The following IMPG1 variants were observed in gnomAD, a reference collection of about 807,000 sequenced individuals.
IMPG1 encodes interphotoreceptor matrix proteoglycan 1, also known as interphotoreceptor matrix proteoglycan of 150 kDa.
A neutral mutation model predicts 92.0 loss-of-function variants in IMPG1; 85 were observed. The ratio of observed to expected loss-of-function variants is 0.92; its 90% CI spans 0.78 to 1.11. IMPG1 has a LOEUF of 1.11. Among genes scored for constraint, IMPG1 ranks in the 50% least tolerant of loss-of-function variants. The pLI is 0.00. For missense variants in IMPG1, 1,022 were observed against 956.0 expected (o/e 1.07, Z -0.91); for synonymous variants, 367 against 334.1 (o/e 1.10, Z -1.08).
intron 14 of IMPG1, among the ~76,000 whole-genome samples, chr6:75,935,208 G>A (rs1426323732): frequency 6.6e-6 from 1 of 152,218 alleles, no homozygotes; most frequent in Non-Finnish European, 1.5e-5. Flanking sequence ...GTGGAGGGAA[G>A]CGAGGTCTGC....
At chr6:75,940,171 T>C (rs1234295372) in intron 14 of IMPG1, among the ~76,000 whole-genome samples, 1 of 152,184 alleles carries the variant, frequency 6.6e-6, no homozygotes, top group East Asian at 1.9e-4. Context: ...TTCACAGCTC[T>C]TCCTCCCATC....
In IMPG1 at chr6:75,950,952, C is replaced by T; in HGVS notation, c.1434G>A (p.Gly478=). Residue 478 remains glycine, a synonymous_variant, in exon 13 of 17, where the codon GGG becomes GGA. Transcript: ENST00000369950. ...MATDQTMLVP[G]LTIPTSDYSA... Reference sequence around the variant, plus strand: ...AATAATCACTGGTGGGGATGGTGAGCCCTGGTACTAGCATTGTCTGGTCAG... The same window carrying T: ...AATAATCACTGGTGGGGATGGTGAGTCCTGGTACTAGCATTGTCTGGTCAG... 3 of 1,613,908 alleles carry T rather than the reference C, an allele frequency of 1.9e-6. No homozygotes were observed. The highest frequency in any genetic ancestry group is 2.5e-6 in the Non-Finnish European group (3 of 1,179,938).
rs773650710 is a variant in IMPG1 at position 75,950,838 on chromosome 6, G to T, written c.1548C>A (p.Val516=). Residue 516 remains valine, a synonymous_variant, in exon 13 of 17, where the codon GTC becomes GTA. Transcript: ENST00000369950. ...ACAGATCCATTTCATCTAGGTGTCT[G>T]ACCATATCTTCGCCACCTGCACTTG... ...SRSSAGGEDM[V]RHLDEMDLSD... is the part of the protein sequence containing the mutation. 6 of 1,613,784 alleles carry T rather than the reference G, an allele frequency of 3.7e-6. No homozygotes were observed. In the Admixed American group the frequency reaches 8.3e-5, roughly 22 times the overall value.
In IMPG1 at chr6:76,041,874, G is replaced by T; in HGVS notation, c.301+19C>A. 6.7e-7 allele frequency: 1 copy of T among 1,494,692 alleles called. No homozygotes were observed. Among genetic ancestry groups the T allele is most frequent in the Non-Finnish European group, 9.3e-7 (1 of 1,071,340 alleles). The allele number at this position is 1,494,692 out of a possible 1,614,324, so 92.6% of individuals were successfully genotyped here. A position where few individuals can be genotyped will look rare whatever the true frequency, so the allele number is the denominator to read the frequency against. On this transcript the variant is annotated intron_variant, in intron 2 of 16. Transcript: ENST00000369950. ...GATGGAAATAACACAAGGCTAAACG[G>T]TTTCATCTCTTTCCTTACCTCTCAA...
chr6:75,987,343 T>C (rs139512950), intron 12 of IMPG1, among the ~76,000 whole-genome samples: 4,939 of 150,948 alleles, frequency 0.033, 104 homozygotes, highest in East Asian at 0.083. Context: ...CTAGGGTACA[T>C]GTGCACAACG....
rs145850821 is a variant in IMPG1 at position 75,955,406 on chromosome 6, T to G, written c.1292-4312A>C. ...AATGGGAGTTCACTCATGCTTTGGC[T>G]CTCTGTTTGTCTATTATTGGTGTGT... is the stretch of plus-strand genomic sequence containing the variant. On this transcript the variant is annotated intron_variant, in intron 12 of 16. Transcript: ENST00000369950. Among the ~76,000 whole-genome samples, 54 of 152,330 alleles carry G rather than the reference T, an allele frequency of 3.5e-4. 1 individual carries two copies. The East Asian group carries it at 0.01, about 29-fold the overall frequency.
At chr6:75,996,368 C>T (rs563392814) in intron 12 of IMPG1, among the ~76,000 whole-genome samples, 1 of 152,218 alleles carries the variant, frequency 6.6e-6, no homozygotes, top group South Asian at 2.1e-4. Flanking sequence ...GAATATGTAC[C>T]TGTATTCATG....
chr6:76,011,001 T>C (rs538712662), intron 8 of IMPG1, among the ~76,000 whole-genome samples, 165 bp downstream of exon 8: 1 of 152,344 alleles, frequency 6.6e-6, no homozygotes, highest in East Asian at 1.9e-4. Context: ...TAGAGTCATG[T>C]TCTAATTAGA....
intron 1 of IMPG1, among the ~76,000 whole-genome samples, chr6:76,054,230 T>G (rs895706890): frequency 6.6e-6 from 1 of 152,164 alleles, no homozygotes; most frequent in Non-Finnish European, 1.5e-5. Context: ...ATGTTACTGT[T>G]TTGCAGAGAG....
At position 75,930,934 on chromosome 6, in the gene IMPG1, G is replaced by A. The variant is rs376690384; in HGVS notation, c.2243+19C>T. 15 of 1,607,000 alleles carry A rather than the reference G, an allele frequency of 9.3e-6. No homozygotes were observed. The highest frequency in any genetic ancestry group is 3.3e-5 in the South Asian group (3 of 90,928). ...AGTAATGAGTTCTTGAGTCTGTGAC[G>A]TTAGCATGCTTGACCCACCTGCATG... is the stretch of plus-strand genomic sequence containing the variant. On this transcript the variant is annotated intron_variant, in intron 15 of 16. Transcript: ENST00000369950.
chr6:75,950,513 A>G lies in IMPG1; in HGVS notation c.1824+49T>C, dbSNP rs181327556. ...AATAATTATATTATAAAATAACAAC[A>G]AAGAAAGAAGAGACAAAGAATTGGG... On this transcript the variant is annotated intron_variant, in intron 13 of 16. Transcript: ENST00000369950. 1.4e-4 allele frequency: 208 copies of G among 1,461,874 alleles called. No homozygotes were observed. The African/African-American group carries it at 2.8e-3, about 20-fold the overall frequency. 90.6% of individuals were successfully genotyped at this position (1,461,874 alleles called of 1,614,324 possible).
At chr6:76,003,770 G>A (rs1034142100) in intron 11 of IMPG1, 104 bp downstream of exon 11, 11 of 810,472 alleles carry the variant, frequency 1.4e-5, no homozygotes, top group Non-Finnish European at 2.2e-5. Context: ...AATTAGCATT[G>A]CAAAGGGGAT....
intron 12 of IMPG1, among the ~76,000 whole-genome samples, chr6:75,963,920 G>A (rs1343453491): frequency 6.6e-6 from 1 of 152,116 alleles, no homozygotes; most frequent in African/African-American, 2.4e-5. Flanking sequence ...GGTTACCTGG[G>A]GAAAGTTTGT....
intron 6 of IMPG1, among the ~76,000 whole-genome samples, chr6:76,019,892 G>C (rs1289883304): frequency 6.6e-6 from 1 of 152,172 alleles, no homozygotes; most frequent in East Asian, 1.9e-4. Flanking sequence ...TTTTGAAGAA[G>C]ATGGGACAGA....
At chr6:75,937,388 A>G (rs917233860) in intron 14 of IMPG1, among the ~76,000 whole-genome samples, 1 of 152,128 alleles carries the variant, frequency 6.6e-6, no homozygotes, top group Non-Finnish European at 1.5e-5. Flanking sequence ...CACTTTTTCT[A>G]AATAAACAGC....
rs1562337840 is a variant in IMPG1, at chr6:75,931,128, ACTTG to A, written c.2064_2067del (p.Lys689SerfsTer11). On this transcript the variant is annotated frameshift_variant, in exon 15 of 17. Coordinates refer to ENST00000369950, the MANE Select transcript of IMPG1 (RefSeq NM_001563.4). LOFTEE classifies it high-confidence loss of function. Reference sequence around the variant, plus strand: ...TGGGCAAATTCGCCGCAGGCCAGGAACTTGCAGGGATCTGCTTGATCAGCTGTAA... The same window carrying A: ...TGGGCAAATTCGCCGCAGGCCAGGAACAGGGATCTGCTTGATCAGCTGTAA... 6.2e-7 allele frequency: 1 copy of A among 1,613,698 alleles called. No homozygotes were observed. Among genetic ancestry groups the A allele is most frequent in the Non-Finnish European group, 8.5e-7 (1 of 1,179,786 alleles).
chr6:76,027,821 G>C (rs1431681559), intron 4 of IMPG1, among the ~76,000 whole-genome samples: 1 of 152,080 alleles, frequency 6.6e-6, no homozygotes, highest in African/African-American at 2.4e-5. Context: ...CATCATTTTG[G>C]CACAATAAAT....
intron 8 of IMPG1, among the ~76,000 whole-genome samples, chr6:76,007,854 G>A (rs1783123761): frequency 6.6e-6 from 1 of 152,110 alleles, no homozygotes; most frequent in Non-Finnish European, 1.5e-5. Context: ...CATTTTGGGG[G>A]GTACTGGTGC....
rs149766293 is a variant in IMPG1, at chr6:76,057,934, T to C, written c.67+14488A>G. ...TAAACTTTAATAATCATTTAGATTG[T>C]TTCTATCTTTTTCTAAATAAAGGTG... On this transcript the variant is annotated intron_variant, in intron 1 of 16. Coordinates refer to ENST00000369950, the MANE Select transcript of IMPG1 (RefSeq NM_001563.4). Among the ~76,000 whole-genome samples the C allele has an allele frequency of 3.1e-3, 472 of 152,202 alleles. 2 individuals are homozygous for C. Among genetic ancestry groups the C allele is most frequent in the African/African-American group, 0.011 (442 of 41,546 alleles).
Sources: allele counts gnomAD v4.1 joint callset (sites outside exome capture counted in the v4.1 genomes callset), GRCh38; gene constraint gnomAD v4.1.1; transcripts MANE v1.5; gene names NCBI Gene and HGNC (gene_info 2026-07-23, HGNC 2026-07-21).